NPAS3: variants seen among roughly 807,000 people sequenced by gnomAD.
The protein encoded by NPAS3 is neuronal PAS domain-containing protein 3.
NPAS3 carries 14 observed loss-of-function variants against 73.1 expected under a neutral mutation model. The ratio of observed to expected loss-of-function variants is 0.19; its 90% CI spans 0.13 to 0.30. NPAS3 has a LOEUF of 0.30. Ranked by LOEUF, NPAS3 falls within the 10% of genes least tolerant of loss-of-function variation. NPAS3 has a pLI of 1.00. For missense variants in NPAS3, 1,096 were observed against 1,250.0 expected (o/e 0.88, Z 1.86); for synonymous variants, 620 against 541.5 (o/e 1.14, Z -2.01).
intron 5 of NPAS3, among the ~76,000 whole-genome samples, chr14:33,656,548 GAC>G (rs902802934): frequency 6.6e-6 from 1 of 152,118 alleles, no homozygotes; most frequent in African/African-American, 2.4e-5. Context: ...ACTGGAATGT[GAC>G]ACAGACTGAT....
intron 5 of NPAS3, among the ~76,000 whole-genome samples, chr14:33,591,190 C>G (rs2057051573): frequency 6.6e-6 from 1 of 152,198 alleles, no homozygotes; most frequent in African/African-American, 2.4e-5. Context: ...CAACCCTGGA[C>G]AGCTGTCCTT....
chr14:33,483,843 C>T (rs1247686795), intron 4 of NPAS3, among the ~76,000 whole-genome samples: 1 of 152,200 alleles, frequency 6.6e-6, no homozygotes, highest in East Asian at 1.9e-4. Context: ...TTTTTCTGGA[C>T]CTCAACAGCT....
intron 5 of NPAS3, among the ~76,000 whole-genome samples, chr14:33,672,741 G>T (rs528794744): frequency 6.6e-4 from 100 of 151,884 alleles, no homozygotes; most frequent in African/African-American, 2.2e-3. Flanking sequence ...AGTGGGAAAA[G>T]TGGTGGACTG....
chr14:33,214,313 T>G (rs1051147760), intron 2 of NPAS3: 39 of 152,310 alleles, frequency 2.6e-4, no homozygotes, highest in African/African-American at 9.4e-4. Flanking sequence ...GTGAGCAAAC[T>G]TCAAACAGAA....
At chr14:33,738,229 T>C (rs2061571404) in intron 7 of NPAS3, among the ~76,000 whole-genome samples, 1 of 152,188 alleles carries the variant, frequency 6.6e-6, no homozygotes, top group Non-Finnish European at 1.5e-5. Context: ...TGAAATACTT[T>C]GCCCATTTTC....
intron 2 of NPAS3, among the ~76,000 whole-genome samples, chr14:33,068,975 T>A (rs933439481): frequency 1.3e-5 from 2 of 152,134 alleles, no homozygotes. Context: ...TCGGCTTTTG[T>A]TCCACTCGAA....
intron 5 of NPAS3, among the ~76,000 whole-genome samples, chr14:33,636,903 G>GCA (rs34527893): frequency 0.037 from 5,478 of 149,242 alleles, 181 homozygotes; most frequent in African/African-American, 0.093. Flanking sequence ...CTCGGAGTGT[G>GCA]CACACACACA....
intron 2 of NPAS3, among the ~76,000 whole-genome samples, chr14:33,134,672 G>A (rs1003503545): frequency 5.3e-5 from 8 of 152,114 alleles, no homozygotes; most frequent in Admixed American, 4.6e-4. Flanking sequence ...TCTGCCTACT[G>A]AAGTGGGCAA....
At chr14:33,294,110 G>A (rs1455808444) in intron 3 of NPAS3, among the ~76,000 whole-genome samples, 7 of 152,130 alleles carry the variant, frequency 4.6e-5, no homozygotes, top group Admixed American at 4.6e-4. Flanking sequence ...GCCTGCCTGG[G>A]TAGCTGGGAT....
intron 4 of NPAS3, among the ~76,000 whole-genome samples, chr14:33,414,591 A>G (rs1594865839): frequency 1.3e-5 from 2 of 152,292 alleles, no homozygotes; most frequent in South Asian, 2.1e-4. Context: ...TTTCATCCAC[A>G]ATCCTTTCCA....
intron 1 of NPAS3, among the ~76,000 whole-genome samples, chr14:32,961,151 C>T (rs903872865): frequency 4.6e-5 from 7 of 151,956 alleles, no homozygotes; most frequent in Non-Finnish European, 7.4e-5. Context: ...TGGTGGCTCA[C>T]GCCTGTAATC....
intron 3 of NPAS3, among the ~76,000 whole-genome samples, chr14:33,302,458 T>C (rs2042590300): frequency 6.6e-6 from 1 of 152,128 alleles, no homozygotes; most frequent in African/African-American, 2.4e-5. Flanking sequence ...AATTGTAACA[T>C]GGGTAAAAAA....
intron 3 of NPAS3, among the ~76,000 whole-genome samples, chr14:33,355,456 A>G (rs2045295063): frequency 6.6e-6 from 1 of 152,096 alleles, no homozygotes; most frequent in South Asian, 2.1e-4. Context: ...ACGCACCATC[A>G]TGCCCGGCTA....
intron 4 of NPAS3, among the ~76,000 whole-genome samples, chr14:33,544,804 A>ATGTAT (rs1211663138): frequency 1.3e-5 from 1 of 78,742 alleles, no homozygotes; most frequent in Non-Finnish European, 2.3e-5. Flanking sequence ...ATATATATAT[A>ATGTAT]TATATATGTA....
rs74041767 is a variant in NPAS3, at chr14:33,041,008, A to C, written c.51-14897A>C. Among the ~76,000 whole-genome samples, 3 of 152,296 alleles carry C rather than the reference A, an allele frequency of 2.0e-5. No homozygotes were observed. In the South Asian group the frequency reaches 6.2e-4, roughly 32 times the overall value. On this transcript the variant is annotated intron_variant, in intron 1 of 11. Coordinates refer to ENST00000356141, the Ensembl canonical transcript of NPAS3. The stretch of plus-strand genomic sequence containing the variant: ...AGTGAGTTTGTCAAGGCTGCACTGT[A>C]CTACGTGGCAGAACTAAAACTAAAA...
At chr14:33,517,340 T>C (rs186042587) in intron 4 of NPAS3, among the ~76,000 whole-genome samples, 24 of 152,176 alleles carry the variant, frequency 1.6e-4, no homozygotes, top group Admixed American at 1.4e-3. Context: ...CAAAAAACTG[T>C]CGAAATGTCA....
In NPAS3 at chr14:33,779,760, G is replaced by A. The variant is rs117154033; in HGVS notation, c.1153+1188G>A. Among the ~76,000 whole-genome samples, 962 of 152,162 alleles carry A rather than the reference G, an allele frequency of 6.3e-3. 5 individuals carry two copies. Among genetic ancestry groups the A allele is most frequent in the Non-Finnish European group, 0.011 (748 of 68,008 alleles). On this transcript the variant is annotated intron_variant, in intron 9 of 11. Transcript: ENST00000356141. ...CTAGGTTTATGTAAGTGCACTCTGT[G>A]GTATCCACACAATGATGAAATACCC... is the stretch of plus-strand genomic sequence containing the variant.
intron 4 of NPAS3, among the ~76,000 whole-genome samples, chr14:33,500,151 A>G (rs970352296): frequency 2.6e-5 from 4 of 151,934 alleles, no homozygotes; most frequent in African/African-American, 4.8e-5. Context: ...TCACTGAGCC[A>G]TATACAACCA....
At chr14:33,646,065 C>T (rs927370632) in intron 5 of NPAS3, among the ~76,000 whole-genome samples, 22 of 152,144 alleles carry the variant, frequency 1.4e-4, no homozygotes, top group African/African-American at 5.1e-4. Context: ...GTTAGAGCAT[C>T]TAACAGGAAA....
Sources: gnomAD v4.1 joint callset for allele counts (sites outside exome capture counted in the v4.1 genomes callset) on GRCh38, gnomAD v4.1.1 for gene constraint, MANE v1.5 for transcripts, NCBI Gene and HGNC (gene_info 2026-07-23, HGNC 2026-07-21) for gene names.